The following ARHGEF10L variants were observed in gnomAD, a reference collection of about 807,000 sequenced individuals.
The protein encoded by ARHGEF10L is rho guanine nucleotide exchange factor 10-like protein.
Under a neutral mutation model 141.2 loss-of-function variants are expected in ARHGEF10L, and 69 were observed. The ratio of observed to expected loss-of-function variants is 0.49; its 90% CI spans 0.40 to 0.60. ARHGEF10L has a LOEUF of 0.60. ARHGEF10L is among the 20% of genes least tolerant of loss of function. The pLI is 0.00. For missense variants in ARHGEF10L, 1,482 were observed against 1,734.3 expected, an observed-to-expected ratio of 0.85 and a Z score of 2.58; for synonymous variants, 711 against 718.5, an observed-to-expected ratio of 0.99 and a Z score of 0.17.
chr1:17,679,907 G>A (rs2102401853), intron 26 of ARHGEF10L, among the ~76,000 whole-genome samples: 1 of 152,294 alleles, frequency 6.6e-6, no homozygotes, highest in African/African-American at 2.4e-5. Context: ...GCCCACGACT[G>A]TGTCTCCCAG....
intron 18 of ARHGEF10L, among the ~76,000 whole-genome samples, chr1:17,636,808 T>G (rs141429482): frequency 6.6e-6 from 1 of 152,150 alleles, no homozygotes; most frequent in Non-Finnish European, 1.5e-5. Context: ...CAAATAAGGC[T>G]TCCCCTCCAC....
chr1:17,544,483 C>T (rs1005327164), intron 1 of ARHGEF10L, among the ~76,000 whole-genome samples: 9 of 148,526 alleles, frequency 6.1e-5, no homozygotes, highest in African/African-American at 1.5e-4. Flanking sequence ...TTAGTAGAGA[C>T]GGGGTTTCAC....
rs760665400 is a variant in ARHGEF10L, at chr1:17,621,984, G to T, written c.1020+43G>T. The T allele has an allele frequency of 6.2e-7, 1 of 1,606,770 alleles. No individual in the cohort carries two copies. The highest frequency in any genetic ancestry group is 2.2e-5 in the East Asian group (1 of 44,824). On this transcript the variant is annotated intron_variant, in intron 11 of 28. Coordinates refer to ENST00000361221, the MANE Select transcript of ARHGEF10L (RefSeq NM_018125.4). This position sits in a 1 kb window ranked among gnomAD's most constrained non-coding sequence, Gnocchi z 4.1. ...TCTCAAGGGTCTCTGGGGAGAAGCA[G>T]GGAGGGCCCTGGAGGGTAACTTTAT... is the stretch of plus-strand genomic sequence containing the variant.
intron 27 of ARHGEF10L, among the ~76,000 whole-genome samples, chr1:17,691,838 G>GTCCA (rs963476782): frequency 3.9e-5 from 6 of 152,036 alleles, no homozygotes; most frequent in African/African-American, 1.5e-4. Flanking sequence ...CCATCCATCT[G>GTCCA]TCCATCCATC....
chr1:17,682,578 G>T (rs775375579), intron 26 of ARHGEF10L, among the ~76,000 whole-genome samples: 9 of 152,232 alleles, frequency 5.9e-5, no homozygotes, highest in Non-Finnish European at 1.3e-4. Context: ...CAAAACTGGT[G>T]CAGGCTGGTT....
intron 25 of ARHGEF10L, among the ~76,000 whole-genome samples, chr1:17,660,996 G>A (rs750582064): frequency 1.3e-5 from 2 of 152,150 alleles, no homozygotes; most frequent in African/African-American, 2.4e-5. Context: ...TCCTCATGGT[G>A]CAGATAGGAA....
chr1:17,537,854 C>CAAAAAAAAA (rs10611023), upstream of ARHGEF10L, among the ~76,000 whole-genome samples: 177 of 79,428 alleles, frequency 2.2e-3, no homozygotes, highest in African/African-American at 2.7e-3. Flanking sequence ...ACCATCTCTA[C>CAAAAAAAAA]AAAAAAAAAA....
rs772941567 is a variant in ARHGEF10L, at chr1:17,664,509, C to T, written c.2923C>T (p.Arg975Cys). ...CCTGACTGTGGGGCCCGGGCCTGTCCGCACCCTGTTGAGCCTGGAGGATGC... is the reference window on the plus strand; with the variant it reads ...CCTGACTGTGGGGCCCGGGCCTGTCTGCACCCTGTTGAGCCTGGAGGATGC... ...VCLTVGPGPV[R>C]TLLSLEDAVW... The change falls in exon 26 of 29, where the codon CGC becomes TGC. Residue 975 changes from arginine to cysteine, a missense_variant. Around this residue, in one of 3 missense-constraint regions of ARHGEF10L, gnomAD observed 858 missense variants for 966.3 expected, o/e 0.89. Transcript: ENST00000361221. 17 of 1,607,670 alleles carry T rather than the reference C, an allele frequency of 1.1e-5. No homozygotes were observed. The highest frequency in any genetic ancestry group is 5.5e-5 in the South Asian group (5 of 90,908).
chr1:17,569,454 C>A (rs577360238), intron 1 of ARHGEF10L, among the ~76,000 whole-genome samples: 22 of 152,326 alleles, frequency 1.4e-4, no homozygotes, highest in African/African-American at 4.8e-4. Context: ...ATGCTGCTGG[C>A]CTGCTTGCCC....
At chr1:17,525,771 G>C in the ARHGEF10L span, among the ~76,000 whole-genome samples, 79 of 152,224 alleles carry the variant, frequency 5.2e-4, no homozygotes, top group African/African-American at 1.9e-3. Flanking sequence ...GGGGGGCTGA[G>C]ATGGGCAGAC....
chr1:17,686,160 T>C (rs2064576173), intron 26 of ARHGEF10L, among the ~76,000 whole-genome samples: 1 of 151,646 alleles, frequency 6.6e-6, no homozygotes, highest in African/African-American at 2.4e-5. Flanking sequence ...TGTCATGCAG[T>C]GTCTGTAAGT....
intron 15 of ARHGEF10L, 26 bp from the exon 16 acceptor site, chr1:17,632,295 G>A (rs778477332): frequency 1.9e-6 from 3 of 1,612,470 alleles, no homozygotes; most frequent in Non-Finnish European, 2.5e-6. Flanking sequence ...CGATGCTGAT[G>A]CTGACCTTCC....
In ARHGEF10L at chr1:17,619,466, G is replaced by C. The variant is rs750136794; in HGVS notation, c.942+21G>C. ...AGCAGGTCTGTGGGGGAGTGGGGCA[G>C]GTGGGGGTCTGCAGGGGAAGGGGTG... On this transcript the variant is annotated intron_variant, in intron 10 of 28. Coordinates refer to ENST00000361221, the MANE Select transcript of ARHGEF10L (RefSeq NM_018125.4). This position sits in a 1 kb window ranked among gnomAD's most constrained non-coding sequence, Gnocchi z 5.0. 6.4e-7 allele frequency: 1 copy of C among 1,563,062 alleles called. No homozygotes were observed. Among genetic ancestry groups the C allele is most frequent in the East Asian group, 2.3e-5 (1 of 43,054 alleles).
intron 7 of ARHGEF10L, among the ~76,000 whole-genome samples, chr1:17,608,476 G>A (rs572806882): frequency 1.4e-4 from 21 of 152,316 alleles, no homozygotes; most frequent in African/African-American, 4.8e-4. Context: ...AAGCCAGAGC[G>A]GCCTGGAAGC....
At chr1:17,532,636 C>T in the ARHGEF10L span, among the ~76,000 whole-genome samples, 16 of 150,526 alleles carry the variant, frequency 1.1e-4, no homozygotes, top group South Asian at 4.2e-4. Context: ...GCTCTGTTGC[C>T]CGGGCTGGAG....
Position 17,619,082 on chromosome 1 carries a change from CT to C in ARHGEF10L, c.836-254del, listed in dbSNP as rs1325404362. ...AGAACCCAGGCCCCACAGGACGCAG[CT>C]TTGATTTCTGCCTGTTCACCCTCTC... is the stretch of plus-strand genomic sequence containing the variant. On this transcript the variant is annotated intron_variant, in intron 9 of 28. Transcript: ENST00000361221. This position sits in a 1 kb window ranked among gnomAD's most constrained non-coding sequence, Gnocchi z 5.0. Among the ~76,000 whole-genome samples the C allele has an allele frequency of 6.6e-6, 1 of 152,132 alleles. No homozygotes were observed. Among genetic ancestry groups the C allele is most frequent in the Non-Finnish European group, 1.5e-5 (1 of 68,028 alleles).
chr1:17,644,567 G>T lies in ARHGEF10L; in HGVS notation c.2273-3987G>T, dbSNP rs1339575763. On this transcript the variant is annotated intron_variant, in intron 21 of 28. Transcript: ENST00000361221. The surrounding 1 kb of genome is among the most constrained non-coding windows in gnomAD (Gnocchi z 4.5). The stretch of plus-strand genomic sequence containing the variant: ...GTGGTTGGATGAGATGCCTGCTGAG[G>T]TCCAGCCCAGCCTGACATCTGTGGC... Among the ~76,000 whole-genome samples the T allele has an allele frequency of 6.6e-6, 1 of 152,222 alleles. No homozygotes were observed. Among genetic ancestry groups the T allele is most frequent in the African/African-American group, 2.4e-5 (1 of 41,456 alleles).
intron 6 of ARHGEF10L, among the ~76,000 whole-genome samples, chr1:17,606,531 C>T (rs570883048): frequency 3.3e-4 from 50 of 151,606 alleles, no homozygotes; most frequent in Admixed American, 3.9e-4. Context: ...TGACCTCAGG[C>T]GATCCACCCA....
At chr1:17,665,096 G>C (rs1325050438) in intron 26 of ARHGEF10L, among the ~76,000 whole-genome samples, 2 of 152,230 alleles carry the variant, frequency 1.3e-5, no homozygotes, top group African/African-American at 2.4e-5. Flanking sequence ...CTCAGCCTAG[G>C]CCCGTGCCTG....
Sources: allele counts gnomAD v4.1 joint callset (sites outside exome capture counted in the v4.1 genomes callset), GRCh38; gene constraint gnomAD v4.1.1; regional missense constraint gnomAD v4.1.1; non-coding constraint Gnocchi (gnomAD v3.1); transcripts MANE v1.5; gene names NCBI Gene and HGNC (gene_info 2026-07-23, HGNC 2026-07-21).